Variants in RGS7 observed in about 807,000 individuals in gnomAD.
RGS7 encodes the protein regulator of G-protein signaling 7.
In RGS7, 27 loss-of-function variants were observed where a neutral mutation model predicts 81.1. The ratio of observed to expected loss-of-function variants is 0.33; its 90% CI spans 0.25 to 0.46. The LOEUF (loss-of-function observed/expected upper bound fraction) is 0.46, where lower values mean the gene tolerates loss of function less well. RGS7 is among the 20% of genes least tolerant of loss of function. The probability of loss-of-function intolerance (pLI) is 1.00; values close to 1 mark genes in which losing one functional copy is unlikely to be tolerated. For synonymous variants in RGS7, 208 were observed against 207.7 expected (o/e 1.00, Z -0.01); for missense variants, 396 against 607.4 (o/e 0.65, Z 3.66).
chr1:241,241,766 C>A (rs1034650008), intron 2 of RGS7, among the ~76,000 whole-genome samples: 1 of 152,100 alleles, frequency 6.6e-6, no homozygotes, highest in Non-Finnish European at 1.5e-5. Flanking sequence ...ATTAATGGAC[C>A]AGCACTGGCC....
intron 10 of RGS7, among the ~76,000 whole-genome samples, chr1:240,824,731 T>C (rs905585341): frequency 6.6e-6 from 1 of 152,056 alleles, no homozygotes; most frequent in Non-Finnish European, 1.5e-5. Flanking sequence ...TGCAGCCCTA[T>C]CCCCCAACAT....
At chr1:241,300,710 G>A (rs934248387) in intron 2 of RGS7, among the ~76,000 whole-genome samples, 3 of 152,212 alleles carry the variant, frequency 2.0e-5, no homozygotes, top group African/African-American at 7.2e-5. Context: ...TATGAACAAA[G>A]CTGCTATAAA....
intron 9 of RGS7, among the ~76,000 whole-genome samples, chr1:240,827,674 C>T (rs891748762): frequency 6.6e-5 from 10 of 151,846 alleles, no homozygotes; most frequent in Admixed American, 5.3e-4. Context: ...ACCAGCCTGA[C>T]CAATATGGTG....
intron 2 of RGS7, among the ~76,000 whole-genome samples, chr1:241,211,893 T>G (rs2074262666): frequency 6.6e-6 from 1 of 152,218 alleles, no homozygotes; most frequent in African/African-American, 2.4e-5. Context: ...ATAATTGCGT[T>G]AGGTGAAAAG....
chr1:241,151,198 C>T (rs1316378747), intron 2 of RGS7, among the ~76,000 whole-genome samples: 2 of 152,200 alleles, frequency 1.3e-5, no homozygotes, highest in Non-Finnish European at 2.9e-5. Context: ...ATCCCTCAAT[C>T]TAGTCAAGTT....
chr1:241,259,496 CA>C (rs1313948549), intron 2 of RGS7, among the ~76,000 whole-genome samples: 1 of 150,514 alleles, frequency 6.6e-6, no homozygotes, highest in Non-Finnish European at 1.5e-5. Flanking sequence ...ACTAAAAATA[CA>C]AAATTAGTCA....
intron 2 of RGS7, chr1:241,132,440 C>T (rs2067168578): frequency 6.5e-6 from 1 of 153,618 alleles, no homozygotes; most frequent in African/African-American, 2.4e-5. Flanking sequence ...CCCCTGTCCC[C>T]ATGCAGTTTA....
chr1:241,046,636 C>A (rs1416012897), intron 3 of RGS7, among the ~76,000 whole-genome samples: 2 of 152,094 alleles, frequency 1.3e-5, no homozygotes, highest in African/African-American at 4.8e-5. Flanking sequence ...TACCAGTCAG[C>A]GATGATGAGT....
intron 2 of RGS7, among the ~76,000 whole-genome samples, chr1:241,242,737 T>C (rs966383436): frequency 2.0e-5 from 3 of 152,178 alleles, no homozygotes; most frequent in Non-Finnish European, 4.4e-5. Flanking sequence ...ATTAGTGATG[T>C]TGAGGATTTT....
chr1:241,135,833 C>G (rs1336364950), intron 2 of RGS7, among the ~76,000 whole-genome samples: 1 of 151,362 alleles, frequency 6.6e-6, no homozygotes, highest in East Asian at 1.9e-4. Flanking sequence ...AGTGCAATGG[C>G]GGGATCTCAG....
At chr1:240,948,235 G>C (rs1332234638) in intron 4 of RGS7, among the ~76,000 whole-genome samples, 1 of 151,956 alleles carries the variant, frequency 6.6e-6, no homozygotes, top group Non-Finnish European at 1.5e-5. Context: ...GGTAAGTATG[G>C]ACATTTTTGT....
chr1:240,781,990 G>A (rs1354644593), intron 18 of RGS7, among the ~76,000 whole-genome samples: 2 of 151,684 alleles, frequency 1.3e-5, no homozygotes, highest in Admixed American at 6.6e-5. Flanking sequence ...ACTCCAGCCT[G>A]GGCAATAGAG....
chr1:241,064,989 C>T (rs78171572), intron 3 of RGS7, among the ~76,000 whole-genome samples: 5,440 of 151,980 alleles, frequency 0.036, 284 homozygotes, highest in African/African-American at 0.11. Flanking sequence ...GAAAGTCACA[C>T]CTATGAGACT....
chr1:241,242,452 C>G (rs1451209850), intron 2 of RGS7, among the ~76,000 whole-genome samples: 1 of 152,166 alleles, frequency 6.6e-6, no homozygotes, highest in African/African-American at 2.4e-5. Context: ...GTACAAGTAT[C>G]TTTCTCGTAT....
intron 2 of RGS7, among the ~76,000 whole-genome samples, chr1:241,335,178 C>T (rs1231729351): frequency 6.6e-6 from 1 of 152,130 alleles, no homozygotes; most frequent in Non-Finnish European, 1.5e-5. Flanking sequence ...TATTCCAGCA[C>T]CCTAAATGGT....
At chr1:240,874,149 C>G (rs1664959861) in intron 6 of RGS7, among the ~76,000 whole-genome samples, 1 of 152,218 alleles carries the variant, frequency 6.6e-6, no homozygotes, top group African/African-American at 2.4e-5. Context: ...CCTCCCCAGA[C>G]ATCAAATCAG....
At chr1:240,870,476 A>T (rs1453124700) in intron 6 of RGS7, among the ~76,000 whole-genome samples, 1 of 152,018 alleles carries the variant, frequency 6.6e-6, no homozygotes, top group Non-Finnish European at 1.5e-5. Context: ...AGTAGCTGGG[A>T]CTATAGGCGT....
intron 6 of RGS7, among the ~76,000 whole-genome samples, chr1:240,876,392 C>T (rs888709065): frequency 3.9e-5 from 6 of 152,168 alleles, no homozygotes; most frequent in African/African-American, 1.4e-4. Flanking sequence ...CCCTTAGACC[C>T]TTGATGTGAG....
chr1:241,062,213 A>G (rs2061777953), intron 3 of RGS7, among the ~76,000 whole-genome samples: 1 of 152,218 alleles, frequency 6.6e-6, no homozygotes, highest in Non-Finnish European at 1.5e-5. Context: ...ATAAATATTT[A>G]TCCATTAAAA....
Sources: gnomAD v4.1 joint callset for allele counts (sites outside exome capture counted in the v4.1 genomes callset) on GRCh38, gnomAD v4.1.1 for gene constraint, MANE v1.5 for transcripts, NCBI Gene and HGNC (gene_info 2026-07-23, HGNC 2026-07-21) for gene names.